Variants in POLR2E observed in about 807,000 individuals in gnomAD.
The protein encoded by POLR2E is DNA-directed RNA polymerases I, II, and III subunit RPABC1.
In POLR2E, 35 loss-of-function variants were observed where a neutral mutation model predicts 29.8. The ratio of observed to expected loss-of-function variants is 1.17; its 90% CI spans 0.90 to 1.55. The LOEUF (loss-of-function observed/expected upper bound fraction) is 1.55, where lower values mean the gene tolerates loss of function less well. Among genes scored for constraint, POLR2E ranks in the 40% most tolerant of loss-of-function variants. The probability of loss-of-function intolerance (pLI) is 0.00; values close to 1 mark genes in which losing one functional copy is unlikely to be tolerated. For missense variants in POLR2E, 287 were observed against 288.6 expected (o/e 0.99, Z 0.04); for synonymous variants, 174 against 112.6 (o/e 1.55, Z -3.45).
intron 7 of POLR2E, among the ~76,000 whole-genome samples, chr19:1,089,154 C>G (rs975595490): frequency 6.6e-6 from 1 of 152,234 alleles, no homozygotes; most frequent in Non-Finnish European, 1.5e-5. Flanking sequence ...GGTTTCTAAA[C>G]CCTCTTCTGG....
rs529172243 is a variant in POLR2E at position 1,090,743 on chromosome 19, C to T, written c.429+165G>A. On this transcript the variant is annotated intron_variant, in intron 4 of 7. Transcript: ENST00000615234. ...GGGATCTGCATTTCTAGGAAGCTCCCGGGTTCGGCTGCTGCAGGCCCAGGG... is the reference window on the plus strand; with the variant it reads ...GGGATCTGCATTTCTAGGAAGCTCCTGGGTTCGGCTGCTGCAGGCCCAGGG... 8.8e-4 allele frequency among the ~76,000 whole-genome samples: 134 copies of T among 152,194 alleles called. 1 individual carries two copies. The highest frequency in any genetic ancestry group is 3.0e-3 in the African/African-American group (124 of 41,534).
In POLR2E at chr19:1,086,744, A is replaced by G. The variant is rs1357460475; in HGVS notation, c.*1991T>C. 1 of 152,102 alleles carries G rather than the reference A, an allele frequency of 6.6e-6. No individual in the cohort carries two copies. The highest frequency in any genetic ancestry group is 1.5e-5 in the Non-Finnish European group (1 of 67,918). The allele number at this position is 152,102 out of a possible 1,614,324, so 9.4% of individuals were successfully genotyped here. ...GTGGCGTGGCCCTGGGCCTCCCCCT[A>G]GGGGAGGGATGTGTGAGGAAGGGAA... On this transcript the variant is annotated 3_prime_UTR_variant, in exon 8 of 8. Coordinates refer to ENST00000615234, the MANE Select transcript of POLR2E (RefSeq NM_002695.5).
intron 4 of POLR2E, 27 bp from the exon 5 acceptor site, chr19:1,090,172 T>G: frequency 6.2e-7 from 1 of 1,609,144 alleles, no homozygotes; most frequent in Non-Finnish European, 8.5e-7. Flanking sequence ...CCACCAGGCA[T>G]CACCAAGGGC....
At chr19:1,091,607 G>A in intron 3 of POLR2E, 185 bp downstream of exon 3, 1 of 596,404 alleles carries the variant, frequency 1.7e-6, no homozygotes, top group South Asian at 1.9e-5. Flanking sequence ...GGCTGCCTGG[G>A]GTGGGGCCCA....
chr19:1,092,175 C>T (rs971587969), intron 2 of POLR2E: 46 of 421,188 alleles, frequency 1.1e-4, no homozygotes, highest in South Asian at 9.5e-4. Context: ...CAGAGACCTT[C>T]GACTCTGAGA....
rs757585484 is a variant in POLR2E, at chr19:1,094,046, C to T, written c.90G>A (p.Gln30=). Reference sequence around the variant, plus strand: ...CCTCCAGGGTCTGGTCAAGCTCGTCCTGGGTCACCAGATAGCCACGGTCGT... The same window carrying T: ...CCTCCAGGGTCTGGTCAAGCTCGTCTTGGGTCACCAGATAGCCACGGTCGT... The part of the protein sequence containing the change: ...LCHDRGYLVT[Q]DELDQTLEEF... Residue 30 remains glutamine (Q), a synonymous_variant, in exon 2 of 8, where the codon CAG becomes CAA. Coordinates refer to ENST00000615234, the MANE Select transcript of POLR2E (RefSeq NM_002695.5). 2 of 1,613,214 alleles carry T rather than the reference C, an allele frequency of 1.2e-6. No individual in the cohort carries two copies. The highest frequency in any genetic ancestry group is 1.7e-6 in the Non-Finnish European group (2 of 1,179,686).
Position 1,091,796 on chromosome 19 carries a change from T to C in POLR2E, c.344A>G (p.Lys115Arg), listed in dbSNP as rs1470570762. The C allele has an allele frequency of 1.9e-6, 3 of 1,604,118 alleles. No homozygotes were observed. The highest frequency in any genetic ancestry group is 2.2e-5 in the South Asian group (2 of 90,954). The change falls in exon 3 of 8, where the codon AAG (lysine) becomes AGG (arginine). Residue 115 changes from lysine (K) to arginine (R), a missense_variant. Lys to Arg is a conservative substitution (Grantham distance 26). Coordinates refer to ENST00000615234, the MANE Select transcript of POLR2E (RefSeq NM_002695.5). The part of the protein sequence containing the change: ...VVQQGMTPSA[K>R]QSLVDMAPKY... ...GGGTGGGGCAGGGGTGCCCACCTGC[T>C]TGGCGGAGGGTGTCATGCCCTGCTG... is the stretch of plus-strand genomic sequence containing the variant.
intron 7 of POLR2E, among the ~76,000 whole-genome samples, 169 bp from the exon 8 acceptor site, chr19:1,088,889 CAGT>C (rs57966339): frequency 0.043 from 6,596 of 152,246 alleles, 481 homozygotes; most frequent in African/African-American, 0.15. Flanking sequence ...CAGGCGTGGG[CAGT>C]AGCTCTGACC....
chr19:1,091,018 C>T (rs1201733584), intron 3 of POLR2E, 30 bp from the exon 4 acceptor site: 31 of 1,603,416 alleles, frequency 1.9e-5, no homozygotes, highest in Non-Finnish European at 2.5e-5. Context: ...AGGCACGGCC[C>T]GGAGGGGCCC....
intron 4 of POLR2E, 110 bp downstream of exon 4, chr19:1,090,798 A>G (rs1365528195): frequency 3.4e-6 from 3 of 894,740 alleles, no homozygotes; most frequent in African/African-American, 1.7e-5. Flanking sequence ...TCCTCCATGC[A>G]CTAATAGGAA....
chr19:1,091,192 G>A (rs1190920237), intron 3 of POLR2E, among the ~76,000 whole-genome samples: 1 of 152,250 alleles, frequency 6.6e-6, no homozygotes, highest in East Asian at 1.9e-4. Context: ...TCATCCAGCA[G>A]TGAAGTGGCC....
intron 2 of POLR2E, 188 bp downstream of exon 2, chr19:1,093,716 C>T: frequency 7.3e-7 from 1 of 1,375,270 alleles, no homozygotes; most frequent in Non-Finnish European, 9.4e-7. Context: ...TAGAAAGAAG[C>T]TGAGCATGAG....
At chr19:1,091,739 G>A (rs553526135) in intron 3 of POLR2E, 53 bp downstream of exon 3, 20 of 1,237,570 alleles carry the variant, frequency 1.6e-5, no homozygotes, top group African/African-American at 1.0e-4. Flanking sequence ...TACTGCTTGC[G>A]GGAGGAGGCT....
At chr19:1,092,896 A>G in intron 2 of POLR2E, among the ~76,000 whole-genome samples, 1 of 149,816 alleles carries the variant, frequency 6.7e-6, no homozygotes, top group East Asian at 2.0e-4. Flanking sequence ...AAAAAAAAAA[A>G]AAAAAAAGAC....
At position 1,087,362 on chromosome 19, in the gene POLR2E, A is replaced by T. The variant is rs1289425195; in HGVS notation, c.*1373T>A. On this transcript the variant is annotated 3_prime_UTR_variant, in exon 8 of 8. Coordinates refer to ENST00000615234, the MANE Select transcript of POLR2E (RefSeq NM_002695.5). ...GTGATGGGATTTTGCCATGTTGGTC[A>T]GGCTGGTCTCGAACTCCCGACCTCA... The T allele has an allele frequency of 6.6e-6, 1 of 152,168 alleles. No homozygotes were observed. The highest frequency in any genetic ancestry group is 1.5e-5 in the Non-Finnish European group (1 of 68,036). The allele number at this position is 152,168 out of a possible 1,614,324, so 9.4% of individuals were successfully genotyped here. A position where few individuals can be genotyped will look rare whatever the true frequency, so the allele number is the denominator to read the frequency against.
intron 1 of POLR2E, chr19:1,094,328 T>G: frequency 2.1e-6 from 1 of 465,182 alleles, no homozygotes; most frequent in South Asian, 3.7e-5. Flanking sequence ...CCACCCAGCC[T>G]CACAGAAACC....
rs2145129405 is a variant in POLR2E at position 1,088,461 on chromosome 19, C to G, written c.*274G>C. On this transcript the variant is annotated 3_prime_UTR_variant, in exon 8 of 8. Transcript: ENST00000615234. ...GACCCAGCGTGGTCTGGGTGAAGAC[C>G]CGGCACCAGCTGCCCCCAGGTGACC... 1 of 152,418 alleles carries G rather than the reference C, an allele frequency of 6.6e-6. No homozygotes were observed. The highest frequency in any genetic ancestry group is 6.5e-5 in the Admixed American group (1 of 15,310). The allele number at this position is 152,418 out of a possible 1,614,324, so 9.4% of individuals were successfully genotyped here. A position where few individuals can be genotyped will look rare whatever the true frequency, so the allele number is the denominator to read the frequency against.
In POLR2E at chr19:1,091,881, T is replaced by C; in HGVS notation, c.259A>G (p.Ile87Val). ...TGCATGCGCTGGCAGTACACCTTGA[T>C]GGTCTTGATGCCCACCTTGGGCTCC... ...PEEPKVGIKT[I>V]KVYCQRMQEE... The change falls in exon 3 of 8, where the codon ATC becomes GTC. Residue 87 changes from isoleucine (I) to valine (V), a missense_variant. Physicochemically the swap from Ile to Val is conservative, Grantham distance 29. Coordinates refer to ENST00000615234, the MANE Select transcript of POLR2E (RefSeq NM_002695.5). The C allele has an allele frequency of 1.2e-6, 2 of 1,612,700 alleles. No homozygotes were observed. Among genetic ancestry groups the C allele is most frequent in the South Asian group, 1.1e-5 (1 of 91,064 alleles).
intron 2 of POLR2E, among the ~76,000 whole-genome samples, chr19:1,093,423 G>C (rs989558654): frequency 8.5e-5 from 13 of 152,078 alleles, no homozygotes; most frequent in Non-Finnish European, 1.3e-4. Context: ...AAAGAGGCCC[G>C]AGCACAAGCT....
Sources: gnomAD v4.1 joint callset for allele counts (sites outside exome capture counted in the v4.1 genomes callset) on GRCh38, gnomAD v4.1.1 for gene constraint, MANE v1.5 for transcripts, NCBI Gene and HGNC (gene_info 2026-07-23, HGNC 2026-07-21) for gene names.